TMEM117: variants seen among roughly 807,000 people sequenced by gnomAD.
TMEM117 encodes the protein transmembrane protein 117.
TMEM117 carries 27 observed loss-of-function variants against 52.4 expected under a neutral mutation model. That is an observed-to-expected ratio of 0.51 (90% CI 0.38 to 0.71). The LOEUF is 0.71. Ranked by LOEUF, TMEM117 falls within the 30% of genes least tolerant of loss-of-function variation. The pLI is 0.00. For synonymous variants in TMEM117, 215 were observed against 206.3 expected, an observed-to-expected ratio of 1.04 and a Z score of -0.36; for missense variants, 556 against 630.5, an observed-to-expected ratio of 0.88 and a Z score of 1.26.
chr12:44,042,377 A>G (rs373164168), intron 3 of TMEM117, among the ~76,000 whole-genome samples: 15 of 151,656 alleles, frequency 9.9e-5, no homozygotes, highest in African/African-American at 3.6e-4. Context: ...ATTATTAAGC[A>G]TAGTTATTGT....
At chr12:44,185,578 A>C (rs1183453215) in intron 4 of TMEM117, among the ~76,000 whole-genome samples, 1 of 152,138 alleles carries the variant, frequency 6.6e-6, no homozygotes, top group South Asian at 2.1e-4. Flanking sequence ...ATGAACTCCT[A>C]TTTATGGTTG....
chr12:44,379,751 A>G (rs1489791000), intron 7 of TMEM117, among the ~76,000 whole-genome samples: 1 of 152,150 alleles, frequency 6.6e-6, no homozygotes, highest in African/African-American at 2.4e-5. Flanking sequence ...CAGCCTACAA[A>G]TTTCCATGTG....
At chr12:43,806,455 C>T in the TMEM117 span, 10 of 1,018,112 alleles carry the variant, frequency 9.8e-6, no homozygotes, top group Non-Finnish European at 1.2e-5. Flanking sequence ...CAGCCCCCGG[C>T]CTCGCTATCC....
At chr12:44,390,149 T>C (rs1952152578), downstream of TMEM117, among the ~76,000 whole-genome samples, 1 of 151,856 alleles carries the variant, frequency 6.6e-6, no homozygotes, top group African/African-American at 2.4e-5. Flanking sequence ...TGCTGTTACT[T>C]TTACCTTTAA....
chr12:44,032,662 T>C (rs1946650821), intron 3 of TMEM117, among the ~76,000 whole-genome samples: 1 of 152,224 alleles, frequency 6.6e-6, no homozygotes, highest in Non-Finnish European at 1.5e-5. Context: ...GACAAGCTTA[T>C]TAAATGTTTT....
At chr12:44,251,687 A>T (rs555005723) in intron 5 of TMEM117, among the ~76,000 whole-genome samples, 59 of 152,356 alleles carry the variant, frequency 3.9e-4, no homozygotes, top group African/African-American at 1.3e-3. Context: ...CACTGAATCT[A>T]CCAACAGTCC....
At chr12:44,028,488 T>C (rs1946579318) in intron 3 of TMEM117, among the ~76,000 whole-genome samples, 1 of 152,186 alleles carries the variant, frequency 6.6e-6, no homozygotes, top group Admixed American at 6.5e-5. Context: ...ATAAAGACTT[T>C]GCTAATAAAA....
At chr12:44,218,096 T>A (rs769359827) in intron 5 of TMEM117, among the ~76,000 whole-genome samples, 2 of 152,040 alleles carry the variant, frequency 1.3e-5, no homozygotes, top group Non-Finnish European at 2.9e-5. Context: ...TGGTGGCACA[T>A]GCCTGTAATC....
At chr12:43,962,738 A>G (rs895729589) in intron 3 of TMEM117, among the ~76,000 whole-genome samples, 2 of 152,004 alleles carry the variant, frequency 1.3e-5, no homozygotes, top group Non-Finnish European at 2.9e-5. Context: ...GGCTAACGTG[A>G]AGAAACCCTG....
chr12:43,828,717 G>C, the TMEM117 span, among the ~76,000 whole-genome samples: 5 of 152,122 alleles, frequency 3.3e-5, no homozygotes, highest in African/African-American at 1.2e-4. Context: ...GGCTGGACCT[G>C]AGAAGTCCAT....
chr12:44,370,619 G>A (rs1180831869), intron 6 of TMEM117, among the ~76,000 whole-genome samples: 1 of 150,736 alleles, frequency 6.6e-6, no homozygotes, highest in Non-Finnish European at 1.5e-5. Flanking sequence ...CTGGGTTCAA[G>A]TGATTCTTCT....
chr12:44,234,868 A>T (rs982468364), intron 5 of TMEM117, among the ~76,000 whole-genome samples: 28 of 151,502 alleles, frequency 1.8e-4, no homozygotes, highest in Non-Finnish European at 2.7e-4. Context: ...CTCTTTATAT[A>T]TCATCACTTT....
chr12:43,806,359 C>T, the TMEM117 span: 1 of 1,245,452 alleles, frequency 8.0e-7, no homozygotes, highest in Non-Finnish European at 1.0e-6. Context: ...CGCCCGCGAC[C>T]CGCGGCCGCC....
chr12:44,057,243 G>A (rs780438933), intron 3 of TMEM117, among the ~76,000 whole-genome samples: 5 of 152,110 alleles, frequency 3.3e-5, no homozygotes, highest in Non-Finnish European at 5.9e-5. Flanking sequence ...ATTTATTCAG[G>A]AAAAATGTCT....
At chr12:43,997,898 A>C (rs780645889) in intron 3 of TMEM117, among the ~76,000 whole-genome samples, 8 of 152,304 alleles carry the variant, frequency 5.3e-5, no homozygotes, top group Middle Eastern at 3.4e-3. Context: ...GTTGGTGCCC[A>C]GATTTGAATC....
intron 3 of TMEM117, among the ~76,000 whole-genome samples, chr12:44,124,585 C>T (rs1354580650): frequency 6.6e-6 from 1 of 152,056 alleles, no homozygotes. Context: ...CCTTCAATAC[C>T]TAGTTTATTG....
chr12:44,017,597 A>G (rs144761095), intron 3 of TMEM117, among the ~76,000 whole-genome samples: 2 of 152,220 alleles, frequency 1.3e-5, no homozygotes, highest in East Asian at 3.9e-4. Context: ...CTAAGTATGC[A>G]CTTGATAAGC....
chr12:43,993,672 A>C (rs996835342), intron 3 of TMEM117, among the ~76,000 whole-genome samples: 1 of 152,140 alleles, frequency 6.6e-6, no homozygotes, highest in Non-Finnish European at 1.5e-5. Context: ...ATTAAAAACC[A>C]CCTATAATTC....
intron 2 of TMEM117, among the ~76,000 whole-genome samples, chr12:43,888,673 G>T (rs1006810906): frequency 6.7e-6 from 1 of 148,654 alleles, no homozygotes; most frequent in South Asian, 2.2e-4. Flanking sequence ...TCAGCCTCCC[G>T]AGTAGCTGGG....
Sources: gnomAD v4.1 joint callset for allele counts (sites outside exome capture counted in the v4.1 genomes callset) on GRCh38, gnomAD v4.1.1 for gene constraint, MANE v1.5 for transcripts, NCBI Gene and HGNC (gene_info 2026-07-23, HGNC 2026-07-21) for gene names.